The following GMIP variants were observed in gnomAD, a reference collection of about 807,000 sequenced individuals.
The protein encoded by GMIP is GEM interacting protein, also known as GEM-interacting protein.
In GMIP, 54 loss-of-function variants were observed where a neutral mutation model predicts 105.3. The ratio of observed to expected loss-of-function variants is 0.51; its 90% CI spans 0.41 to 0.64. GMIP has a LOEUF of 0.64. Among genes scored for constraint, GMIP ranks in the 30% least tolerant of loss-of-function variants. GMIP has a pLI of 0.00. For missense variants in GMIP, 1,110 were observed against 1,319.4 expected, an observed-to-expected ratio of 0.84 and a Z score of 2.46; for synonymous variants, 541 against 560.8, an observed-to-expected ratio of 0.96 and a Z score of 0.50.
rs750581488 is a variant in GMIP at position 19,640,318 on chromosome 19, C to T, written c.407G>A (p.Gly136Asp). 1 of 1,613,882 alleles carries T rather than the reference C, an allele frequency of 6.2e-7. No individual in the cohort carries two copies. The highest frequency in any genetic ancestry group is 2.2e-5 in the East Asian group (1 of 44,864). ...AKSTMKIAEA[G>D]KVSIQQQSHM... is the part of the protein sequence containing the mutation. The stretch of plus-strand genomic sequence containing the variant: ...TACCTGCTGTTGAATGGACACCTTG[C>T]CAGCTTCAGCGATCTTCATGGTGCT... Residue 136 changes from glycine (G) to aspartate (D), a missense_variant, in exon 6 of 21, where the codon GGC becomes GAC. Coordinates refer to ENST00000203556, the MANE Select transcript of GMIP (RefSeq NM_016573.4).
rs547650523 is a variant in GMIP, at chr19:19,636,275, C to T, written c.1327+432G>A. Among the ~76,000 whole-genome samples, 13 of 151,754 alleles carry T rather than the reference C, an allele frequency of 8.6e-5. No individual in the cohort carries two copies. The South Asian group carries it at 1.9e-3, about 22-fold the overall frequency. On this transcript the variant is annotated intron_variant, in intron 13 of 20. Coordinates refer to ENST00000203556, the MANE Select transcript of GMIP (RefSeq NM_016573.4). ...TGGTGGCACACACCTGTAATCCCTG[C>T]ACTTTGGGAGACCGAGGCAGGTGGA...
intron 7 of GMIP, 38 bp downstream of exon 7, chr19:19,640,047 A>T: frequency 8.6e-7 from 1 of 1,169,400 alleles, no homozygotes; most frequent in Non-Finnish European, 1.3e-6. Flanking sequence ...GCAGGATAGC[A>T]GGGTGACCTC....
At position 19,634,636 on chromosome 19, in the gene GMIP, G is replaced by A. The variant is rs928081993; in HGVS notation, c.1955C>T (p.Ala652Val). The A allele has an allele frequency of 6.2e-7, 1 of 1,613,460 alleles. No homozygotes were observed. Among genetic ancestry groups the A allele is most frequent in the African/African-American group, 1.3e-5 (1 of 74,994 alleles). Residue 652 changes from alanine to valine, a missense_variant, in exon 18 of 21, where the codon GCA becomes GTA. Coordinates refer to ENST00000203556, the MANE Select transcript of GMIP (RefSeq NM_016573.4). The surrounding 1 kb of genome is among the most constrained non-coding windows in gnomAD (Gnocchi z 6.1). ...AFISLAKTLH[A>V]DPGDDPGTPS... ...GGTCCCAGGGTCGTCCCCAGGGTCT[G>A]CATGCAAGGTCTTAGCCAGAGAGAT...
At chr19:19,643,347 A>T (rs2061944719) in intron 1 of GMIP, 164 bp downstream of exon 1, 2 of 610,356 alleles carry the variant, frequency 3.3e-6, no homozygotes, top group Non-Finnish European at 5.8e-6. Flanking sequence ...TGGGGTCCTG[A>T]ACCCATCCGG....
Position 19,640,454 on chromosome 19 carries a change from G to T in GMIP, c.356C>A (p.Ala119Asp). ...GCGGAAGAGGTCCTCACCATAGCTG[G>T]CTCTCTTTTCAGTCCAGGCAAGCAG... is the stretch of plus-strand genomic sequence containing the variant. ...KELLAWTEKRASYELEFAKST... is the reference protein window; with the variant it reads ...KELLAWTEKRDSYELEFAKST... The change falls in exon 5 of 21, where the codon GCC becomes GAC. Residue 119 changes from alanine to aspartate, a missense_variant. Physicochemically the swap from Ala to Asp is moderately radical, Grantham distance 126. Around this residue, in one of 3 missense-constraint regions of GMIP, gnomAD observed 667 missense variants for 773.2 expected, o/e 0.86. Coordinates refer to ENST00000203556, the MANE Select transcript of GMIP (RefSeq NM_016573.4). 3.1e-6 allele frequency: 5 copies of T among 1,614,094 alleles called. No individual in the cohort carries two copies. Among genetic ancestry groups the T allele is most frequent in the Non-Finnish European group, 4.2e-6 (5 of 1,180,026 alleles).
In GMIP at chr19:19,630,429, G is replaced by C. The variant is rs965596906; in HGVS notation, c.2539+42C>G. The C allele has an allele frequency of 3.7e-6, 6 of 1,607,080 alleles. No homozygotes were observed. The highest frequency in any genetic ancestry group is 1.3e-5 in the African/African-American group (1 of 74,714). On this transcript the variant is annotated intron_variant, in intron 20 of 20. Coordinates refer to ENST00000203556, the MANE Select transcript of GMIP (RefSeq NM_016573.4). This position sits in a 1 kb window ranked among gnomAD's most constrained non-coding sequence, Gnocchi z 4.8. ...CTTTTAGCAAGCCACCCTGGGGCCA[G>C]GGCACCCCCAGAACTCCTGAGCCTC...
chr19:19,640,330 A>G lies in GMIP; in HGVS notation c.395T>C (p.Ile132Thr). 1 of 1,613,968 alleles carries G rather than the reference A, an allele frequency of 6.2e-7. No homozygotes were observed. Among genetic ancestry groups the G allele is most frequent in the East Asian group, 2.2e-5 (1 of 44,866 alleles). Residue 132 changes from isoleucine (I) to threonine (T), a missense_variant, in exon 6 of 21, where the codon ATC becomes ACC. By Grantham distance (89) the Ile-to-Thr change is moderately conservative. Around this residue, in one of 3 missense-constraint regions of GMIP, gnomAD observed 667 missense variants for 773.2 expected, o/e 0.86. Transcript: ENST00000203556. ...ELEFAKSTMK[I>T]AEAGKVSIQQ... ...AATGGACACCTTGCCAGCTTCAGCG[A>G]TCTTCATGGTGCTCTTAGCAAACTC...
Position 19,635,925 on chromosome 19 carries a change from C to T in GMIP, c.1328-204G>A, listed in dbSNP as rs533665287. Among the ~76,000 whole-genome samples the T allele has an allele frequency of 5.9e-5, 9 of 152,202 alleles. No homozygotes were observed. The East Asian group carries it at 7.7e-4, about 13-fold the overall frequency. On this transcript the variant is annotated intron_variant, in intron 13 of 20. Transcript: ENST00000203556. This position sits in a 1 kb window ranked among gnomAD's most constrained non-coding sequence, Gnocchi z 4.7. ...GGATCAAGAGGTTGAGGAAATAGGC[C>T]GGGCGCAGTGGCTCACACCTGTAAT...
At chr19:19,642,903 T>A (rs2061938232) in intron 1 of GMIP, among the ~76,000 whole-genome samples, 4 of 151,890 alleles carry the variant, frequency 2.6e-5, no homozygotes, top group Admixed American at 6.6e-5. Flanking sequence ...AACCAGGCTG[T>A]CCCGAGAAGA....
chr19:19,636,748 C>A lies in GMIP; in HGVS notation c.1286G>T (p.Gly429Val). Residue 429 changes from glycine (G) to valine (V), a missense_variant, in exon 13 of 21, where the codon GGC (glycine) becomes GTC (valine). Gly to Val is a moderately radical substitution (Grantham distance 109). Transcript: ENST00000203556. The part of the protein sequence containing the change: ...PGSDVDSVGG[G>V]SESRSLDSPT... ...TGAGTCCAGGGACCGAGACTCGCTGCCGCCACCCACGCTGTCCACATCGCT... is the reference window on the plus strand; with the variant it reads ...TGAGTCCAGGGACCGAGACTCGCTGACGCCACCCACGCTGTCCACATCGCT... The A allele has an allele frequency of 6.2e-7, 1 of 1,613,514 alleles. No homozygotes were observed. The highest frequency in any genetic ancestry group is 8.5e-7 in the Non-Finnish European group (1 of 1,179,788).
chr19:19,639,781 G>A (rs530853918), intron 7 of GMIP, among the ~76,000 whole-genome samples: 37 of 152,242 alleles, frequency 2.4e-4, no homozygotes, highest in Non-Finnish European at 4.4e-4. Flanking sequence ...CCCAAGAAGC[G>A]GAGGTTGCAG....
chr19:19,642,142 ATC>A, intron 2 of GMIP, 91 bp from the exon 3 acceptor site: 2 of 739,880 alleles, frequency 2.7e-6, no homozygotes, highest in Non-Finnish European at 4.6e-6. Context: ...TGTGGCAAAC[ATC>A]ACCTCTGTGG....
chr19:19,631,439 CT>C (rs1289449211), intron 19 of GMIP, among the ~76,000 whole-genome samples: 1 of 152,218 alleles, frequency 6.6e-6, no homozygotes, highest in Non-Finnish European at 1.5e-5. Context: ...TTGGCAGTGT[CT>C]ACACATCAGA....
intron 13 of GMIP, among the ~76,000 whole-genome samples, 175 bp downstream of exon 13, chr19:19,636,532 C>CAAAT (rs1213473900): frequency 1.3e-5 from 2 of 151,902 alleles, no homozygotes; most frequent in African/African-American, 4.8e-5. Flanking sequence ...AATAAACAAA[C>CAAAT]AAATAAATAA....
chr19:19,637,910 T>C lies in GMIP; in HGVS notation c.927+10A>G, dbSNP rs112689158. On this transcript the variant is annotated intron_variant, in intron 10 of 20. Transcript: ENST00000203556. This position sits in a 1 kb window ranked among gnomAD's most constrained non-coding sequence, Gnocchi z 6.7. ...GGTGAGGGGAGGATGGCCTTGGGGA[T>C]GGGCCTCACCCGCCTCAGCACTTCA... 1.4e-3 allele frequency: 2,186 copies of C among 1,590,786 alleles called. 22 individuals carry two copies. The African/African-American group carries it at 0.023, about 17-fold the overall frequency.
At position 19,629,715 on chromosome 19, in the gene GMIP, A is replaced by C. The variant is rs1191990791; in HGVS notation, c.*248T>G. On this transcript the variant is annotated 3_prime_UTR_variant, in exon 21 of 21. Coordinates refer to ENST00000203556, the MANE Select transcript of GMIP (RefSeq NM_016573.4). ...GAGTATTGACCCTGAGTGACCTCTG[A>C]GCCCGAGTGGCCCTGATGCTTGGCA... 3.7e-6 allele frequency: 2 copies of C among 540,680 alleles called. No individual in the cohort carries two copies. The highest frequency in any genetic ancestry group is 3.9e-5 in the African/African-American group (2 of 51,840). 33.5% of individuals were successfully genotyped at this position (540,680 alleles called of 1,614,324 possible). A position where few individuals can be genotyped will look rare whatever the true frequency, so the allele number is the denominator to read the frequency against.
intron 19 of GMIP, among the ~76,000 whole-genome samples, chr19:19,632,945 T>G (rs1382376586): frequency 6.6e-6 from 1 of 152,148 alleles, no homozygotes; most frequent in Non-Finnish European, 1.5e-5. Context: ...TTCATGTCCT[T>G]CCAGTCTTTG....
Position 19,641,838 on chromosome 19 carries a change from G to A in GMIP, c.210C>T (p.Pro70=), listed in dbSNP as rs2061923186. ...TGAGGGGTACAGGACCCTCTGGGGA[G>A]GGGCCGCTCCAACAGCTGGCTTCGT... ...VTNEASCWSG[P]SPEGPVPLTG... The change falls in exon 4 of 21, where the codon CCC becomes CCT. Residue 70 remains proline (P), a synonymous_variant. Transcript: ENST00000203556. The A allele has an allele frequency of 1.9e-6, 3 of 1,612,626 alleles. No homozygotes were observed. In the East Asian group the frequency reaches 6.7e-5, roughly 36 times the overall value.
rs374594505 is a variant in GMIP at position 19,630,344 on chromosome 19, C to G, written c.2540-8G>C. 2 of 1,544,840 alleles carry G rather than the reference C, an allele frequency of 1.3e-6. No individual in the cohort carries two copies. Among genetic ancestry groups the G allele is most frequent in the Non-Finnish European group, 1.7e-6 (2 of 1,146,172 alleles). On this transcript the variant is annotated splice_region_variant and splice_polypyrimidine_tract_variant and intron_variant, in intron 20 of 20. Coordinates refer to ENST00000203556, the MANE Select transcript of GMIP (RefSeq NM_016573.4). This position sits in a 1 kb window ranked among gnomAD's most constrained non-coding sequence, Gnocchi z 4.8. Reference sequence around the variant, plus strand: ...CTGGGCCTTGGCTGGACACTGTGTACGGGGTGGGTGGTCAGTGCAGAGCAC... The same window carrying G: ...CTGGGCCTTGGCTGGACACTGTGTAGGGGGTGGGTGGTCAGTGCAGAGCAC...
Sources: gnomAD v4.1 joint callset for allele counts (sites outside exome capture counted in the v4.1 genomes callset) on GRCh38, gnomAD v4.1.1 for gene constraint, gnomAD v4.1.1 regional missense constraint, Gnocchi (gnomAD v3.1) non-coding constraint, MANE v1.5 for transcripts, NCBI Gene and HGNC (gene_info 2026-07-23, HGNC 2026-07-21) for gene names.